The following PDE11A variants were observed in gnomAD, a reference collection of about 807,000 sequenced individuals.
The protein encoded by PDE11A is dual 3',5'-cyclic-AMP and -GMP phosphodiesterase 11A.
PDE11A carries 100 observed loss-of-function variants against 100.5 expected under a neutral mutation model. The observed-to-expected ratio is 1.00, with a 90% CI of 0.85 to 1.18. The LOEUF (loss-of-function observed/expected upper bound fraction) is 1.18. Among genes scored for constraint, PDE11A ranks in the 50% most tolerant of loss-of-function variants. PDE11A has a pLI of 0.00. For synonymous variants in PDE11A, 381 were observed against 420.8 expected, an observed-to-expected ratio of 0.91 and a Z score of 1.16; for missense variants, 1,141 against 1,152.6, an observed-to-expected ratio of 0.99 and a Z score of 0.15.
Position 177,898,217 on chromosome 2 carries a change from A to G in PDE11A, c.1162-19T>C, listed in dbSNP as rs774206714. ...GCAAAGCCTAGAAAAGATGAAATAGATGTATATAAGTGGATGTAAAACTGA... is the reference window on the plus strand; with the variant it reads ...GCAAAGCCTAGAAAAGATGAAATAGGTGTATATAAGTGGATGTAAAACTGA... On this transcript the variant is annotated intron_variant, in intron 3 of 19. Coordinates refer to ENST00000286063, the MANE Select transcript of PDE11A (RefSeq NM_016953.4). 6.3e-7 allele frequency: 1 copy of G among 1,579,906 alleles called. No individual in the cohort carries two copies. The highest frequency in any genetic ancestry group is 2.2e-5 in the East Asian group (1 of 44,660).
intron 2 of PDE11A, among the ~76,000 whole-genome samples, chr2:178,088,162 A>C (rs2087381944): frequency 6.6e-6 from 1 of 152,228 alleles, no homozygotes; most frequent in Non-Finnish European, 1.5e-5. Context: ...TGAGAAATTC[A>C]AGCTGAGGAA....
upstream of PDE11A, among the ~76,000 whole-genome samples, chr2:178,074,099 A>G (rs2087173453): frequency 6.6e-6 from 1 of 152,218 alleles, no homozygotes; most frequent in African/African-American, 2.4e-5. Flanking sequence ...TAAAAACATC[A>G]TGCAAAATGA....
intron 9 of PDE11A, among the ~76,000 whole-genome samples, chr2:177,795,975 A>ATATC (rs1432005488): frequency 8.1e-5 from 11 of 136,260 alleles, no homozygotes; most frequent in Non-Finnish European, 1.6e-4. Context: ...ATATATATAT[A>ATATC]TCTTTGCTTT....
chr2:177,904,889 C>T (rs916518611), intron 3 of PDE11A, among the ~76,000 whole-genome samples: 14 of 152,258 alleles, frequency 9.2e-5, no homozygotes, highest in Admixed American at 7.2e-4. Context: ...ACCCCTTCCC[C>T]CAAATAACAA....
intron 2 of PDE11A, among the ~76,000 whole-genome samples, chr2:177,977,773 T>C (rs1444390171): frequency 6.8e-6 from 1 of 146,582 alleles, no homozygotes; most frequent in East Asian, 2.0e-4. Context: ...TAATGCCGCA[T>C]ATCTACAACT....
chr2:177,945,541 C>G (rs947161185), intron 2 of PDE11A, among the ~76,000 whole-genome samples: 2 of 149,264 alleles, frequency 1.3e-5, no homozygotes, highest in African/African-American at 4.9e-5. Flanking sequence ...AGGGTCTCTG[C>G]CCAGCCGCCC....
At chr2:178,073,138 G>T, upstream of PDE11A, 1 of 892,380 alleles carries the variant, frequency 1.1e-6, no homozygotes, top group Non-Finnish European at 1.3e-6. Flanking sequence ...TGTTTTGCAG[G>T]GATCTGAACA....
intron 1 of PDE11A, among the ~76,000 whole-genome samples, chr2:178,033,174 A>G (rs1325559053): frequency 6.6e-6 from 1 of 152,200 alleles, no homozygotes; most frequent in Non-Finnish European, 1.5e-5. Context: ...GGAACTGCTA[A>G]CTAGAATAAC....
At chr2:178,038,333 C>A (rs1464402915) in intron 1 of PDE11A, among the ~76,000 whole-genome samples, 1 of 150,738 alleles carries the variant, frequency 6.6e-6, no homozygotes, top group Non-Finnish European at 1.5e-5. Context: ...TGCTTCCTGT[C>A]ACTAGAGAGT....
chr2:177,766,698 T>C (rs1011218512), intron 10 of PDE11A, among the ~76,000 whole-genome samples: 1 of 152,228 alleles, frequency 6.6e-6, no homozygotes, highest in Admixed American at 6.5e-5. Context: ...CATTTTAATG[T>C]TATTGCTGCA....
At chr2:177,722,993 T>C (rs2105441588) in intron 12 of PDE11A, 1 of 152,332 alleles carries the variant, frequency 6.6e-6, no homozygotes, top group East Asian at 1.9e-4. Flanking sequence ...TGTTACAGTC[T>C]ACAAAGGAAT....
intron 10 of PDE11A, among the ~76,000 whole-genome samples, chr2:177,731,859 A>G (rs955244717): frequency 6.6e-6 from 1 of 151,930 alleles, no homozygotes; most frequent in African/African-American, 2.4e-5. Flanking sequence ...CTATTCATCC[A>G]TCTGTTTTCT....
intron 19 of PDE11A, among the ~76,000 whole-genome samples, chr2:177,642,216 C>T (rs949844390): frequency 6.6e-6 from 1 of 152,214 alleles, no homozygotes; most frequent in African/African-American, 2.4e-5. Context: ...TCAAGTGCTG[C>T]TGTGGTCTCA....
At chr2:177,766,143 C>T (rs2082235673) in intron 10 of PDE11A, among the ~76,000 whole-genome samples, 1 of 151,948 alleles carries the variant, frequency 6.6e-6, no homozygotes, top group Non-Finnish European at 1.5e-5. Context: ...TTCCATGGAC[C>T]TGGGAGGGGT....
intron 5 of PDE11A, among the ~76,000 whole-genome samples, chr2:177,863,329 T>C (rs1051117256): frequency 6.6e-6 from 1 of 151,832 alleles, no homozygotes; most frequent in Non-Finnish European, 1.5e-5. Flanking sequence ...AGTAAATAAA[T>C]GGGACTACAT....
intron 2 of PDE11A, among the ~76,000 whole-genome samples, chr2:177,955,980 C>G (rs1420202655): frequency 2.6e-5 from 4 of 152,086 alleles, no homozygotes; most frequent in Admixed American, 1.3e-4. Flanking sequence ...TAGGCAATAC[C>G]ATTCAGGACA....
intron 1 of PDE11A, among the ~76,000 whole-genome samples, chr2:178,059,539 T>C (rs1233844973): frequency 6.6e-6 from 1 of 152,240 alleles, no homozygotes; most frequent in Non-Finnish European, 1.5e-5. Flanking sequence ...ACCCCTGTTT[T>C]CATTTTTCAC....
Position 177,669,738 on chromosome 2 carries a change from A to G in PDE11A, c.2488-171T>C, listed in dbSNP as rs151313123. On this transcript the variant is annotated intron_variant, in intron 17 of 19. Transcript: ENST00000286063. ...TTTGAAGGTGTTATAGAACTTAATG[A>G]AACTGATTTCCTTTTAATCAGGACA... Among the ~76,000 whole-genome samples, 253 of 152,346 alleles carry G rather than the reference A, an allele frequency of 1.7e-3. 3 individuals carry two copies. The highest frequency in any genetic ancestry group is 2.6e-3 in the Non-Finnish European group (176 of 68,030).
chr2:178,022,798 A>G (rs1375090316), intron 1 of PDE11A, among the ~76,000 whole-genome samples: 1 of 152,230 alleles, frequency 6.6e-6, no homozygotes, highest in East Asian at 1.9e-4. Context: ...AATGATCTAC[A>G]ACAGGAGAGA....
Sources: allele counts gnomAD v4.1 joint callset (sites outside exome capture counted in the v4.1 genomes callset), GRCh38; gene constraint gnomAD v4.1.1; transcripts MANE v1.5; gene names NCBI Gene and HGNC (gene_info 2026-07-23, HGNC 2026-07-21).